Variants in GRID1 observed in about 807,000 individuals in gnomAD.
The protein encoded by GRID1 is glutamate ionotropic receptor delta type subunit 1.
In GRID1, 28 loss-of-function variants were observed where a neutral mutation model predicts 98.0. That is an observed-to-expected ratio of 0.29 (90% CI 0.21 to 0.39). GRID1 has a LOEUF of 0.39. Among genes scored for constraint, GRID1 ranks in the 10% least tolerant of loss-of-function variants. The pLI is 1.00. For synonymous variants in GRID1, 553 were observed against 538.5 expected (o/e 1.03, Z -0.37); for missense variants, 1,111 against 1,340.5 (o/e 0.83, Z 2.67).
intron 8 of GRID1, among the ~76,000 whole-genome samples, chr10:85,786,324 G>T (rs1404791446): frequency 1.3e-5 from 2 of 152,180 alleles, no homozygotes; most frequent in African/African-American, 2.4e-5. Context: ...GGGCGCTGAG[G>T]GCATGATCCC....
intron 4 of GRID1, among the ~76,000 whole-genome samples, chr10:85,996,624 A>C (rs1156968929): frequency 1.3e-5 from 2 of 152,142 alleles, no homozygotes; most frequent in Non-Finnish European, 2.9e-5. Flanking sequence ...TTGTGTTATC[A>C]GAGCAACCAG....
At chr10:86,098,802 T>G (rs1019215844) in intron 4 of GRID1, among the ~76,000 whole-genome samples, 2 of 152,220 alleles carry the variant, frequency 1.3e-5, no homozygotes, top group African/African-American at 4.8e-5. Context: ...CCTCTTGTGA[T>G]TTGTTTGATC....
intron 4 of GRID1, among the ~76,000 whole-genome samples, chr10:86,008,073 C>G (rs1217749329): frequency 2.6e-5 from 4 of 152,064 alleles, no homozygotes; most frequent in African/African-American, 4.8e-5. Context: ...TATATAAATA[C>G]AGATTAAAAA....
At chr10:85,889,524 T>C (rs956709505) in intron 5 of GRID1, among the ~76,000 whole-genome samples, 4 of 152,244 alleles carry the variant, frequency 2.6e-5, no homozygotes, top group African/African-American at 9.6e-5. Context: ...TCACTCTTTC[T>C]TATGGCTGAA....
At chr10:86,114,264 T>C (rs778886206) in intron 4 of GRID1, among the ~76,000 whole-genome samples, 1 of 152,060 alleles carries the variant, frequency 6.6e-6, no homozygotes, top group Non-Finnish European at 1.5e-5. Context: ...GGGGCCACCA[T>C]GTGGAGGCAG....
chr10:85,989,519 C>G (rs12784735), intron 4 of GRID1, among the ~76,000 whole-genome samples: 1 of 152,044 alleles, frequency 6.6e-6, no homozygotes, highest in Non-Finnish European at 1.5e-5. Flanking sequence ...ACCTGAGCTC[C>G]GCCCCCTGTT....
rs529615991 is a variant in GRID1 at position 85,628,016 on chromosome 10, C to T, written c.2194-7983G>A. On this transcript the variant is annotated intron_variant, in intron 13 of 15. Coordinates refer to ENST00000327946, the MANE Select transcript of GRID1 (RefSeq NM_017551.3). ...GTGTGTGCATGCAGAAGAGTGTGAG[C>T]GTGTGTGTGTGTGCATGAGAATTGT... Among the ~76,000 whole-genome samples, 17 of 151,344 alleles carry T rather than the reference C, an allele frequency of 1.1e-4. No homozygotes were observed. In the East Asian group the frequency reaches 2.1e-3, roughly 19 times the overall value.
At chr10:86,173,641 T>G (rs1426021258) in intron 3 of GRID1, among the ~76,000 whole-genome samples, 1 of 151,852 alleles carries the variant, frequency 6.6e-6, no homozygotes, top group Non-Finnish European at 1.5e-5. Flanking sequence ...TAGTTACATA[T>G]GTATACATGT....
chr10:86,120,850 G>A (rs1440728645), intron 4 of GRID1, among the ~76,000 whole-genome samples: 1 of 152,132 alleles, frequency 6.6e-6, no homozygotes, highest in African/African-American at 2.4e-5. Flanking sequence ...GTGATGCCAA[G>A]TGGGACATCT....
At chr10:86,066,567 T>C (rs1843723036) in intron 4 of GRID1, among the ~76,000 whole-genome samples, 1 of 152,206 alleles carries the variant, frequency 6.6e-6, no homozygotes, top group South Asian at 2.1e-4. Flanking sequence ...CTGCCCATCA[T>C]GCTATGGAAG....
rs1374092608 is a variant in GRID1, at chr10:86,365,194, G to T, written c.80-1098C>A. ...GGTTTGGTCACGGGCCCCTGAGGAG[G>T]AATCGTAGCTCTCCGAGCCCAGGCC... On this transcript the variant is annotated intron_variant, in intron 1 of 15. Transcript: ENST00000327946. This position sits in a 1 kb window ranked among gnomAD's most constrained non-coding sequence, Gnocchi z 4.8. Among the ~76,000 whole-genome samples the T allele has an allele frequency of 2.0e-5, 3 of 152,104 alleles. No individual in the cohort carries two copies. The highest frequency in any genetic ancestry group is 7.2e-5 in the African/African-American group (3 of 41,410).
chr10:85,727,856 T>A lies in GRID1; in HGVS notation c.1532A>T (p.Lys511Met). 6.2e-7 allele frequency: 1 copy of A among 1,611,856 alleles called. No homozygotes were observed. Among genetic ancestry groups the A allele is most frequent in the Non-Finnish European group, 8.5e-7 (1 of 1,178,538 alleles). Residue 511 changes from lysine (K) to methionine (M), a missense_variant and splice_region_variant, in exon 10 of 16, where the codon AAG becomes ATG. Physicochemically the swap from Lys to Met is moderately conservative, Grantham distance 95 (BLOSUM62 -1). Transcript: ENST00000327946. ...CCTGGATCTGCTATGGGGACCTACC[T>A]TGCTGATGAGCTCCCCGATCATCCC... ...WNGMIGELISKRADLAISAIT... is the reference protein window; with the variant it reads ...WNGMIGELISMRADLAISAIT...
chr10:85,937,904 C>A (rs117712072), intron 4 of GRID1, among the ~76,000 whole-genome samples: 220 of 152,316 alleles, frequency 1.4e-3, no homozygotes, highest in Admixed American at 4.7e-3. Flanking sequence ...TAATGTTCAA[C>A]ACAAAGTTGA....
At chr10:85,734,413 G>A (rs1415159353) in intron 8 of GRID1, among the ~76,000 whole-genome samples, 6 of 151,918 alleles carry the variant, frequency 3.9e-5, no homozygotes, top group Non-Finnish European at 5.9e-5. Flanking sequence ...ATTTCATGAA[G>A]GAAAAAAAAT....
At chr10:85,926,216 G>A (rs938579901) in intron 4 of GRID1, among the ~76,000 whole-genome samples, 1 of 152,144 alleles carries the variant, frequency 6.6e-6, no homozygotes, top group African/African-American at 2.4e-5. Flanking sequence ...AGAAGAGGTG[G>A]ATGGTGCGAC....
intron 14 of GRID1, among the ~76,000 whole-genome samples, chr10:85,617,952 G>T (rs762541703): frequency 6.6e-6 from 1 of 152,096 alleles, no homozygotes; most frequent in Non-Finnish European, 1.5e-5. Flanking sequence ...CCACACAAAG[G>T]ACATCTCACT....
chr10:86,230,375 A>C (rs1227388512), intron 2 of GRID1, among the ~76,000 whole-genome samples: 6 of 152,220 alleles, frequency 3.9e-5, no homozygotes, highest in African/African-American at 4.8e-5. Flanking sequence ...AGTGGGGACA[A>C]CACCACCAGG....
At chr10:85,753,231 A>G (rs1414138850) in intron 8 of GRID1, among the ~76,000 whole-genome samples, 1 of 152,232 alleles carries the variant, frequency 6.6e-6, no homozygotes, top group East Asian at 1.9e-4. Context: ...ATTATACTCT[A>G]TAAAAATATG....
At chr10:85,697,649 G>A (rs559747879) in intron 12 of GRID1, among the ~76,000 whole-genome samples, 3 of 152,170 alleles carry the variant, frequency 2.0e-5, no homozygotes, top group Non-Finnish European at 4.4e-5. Context: ...TTTTTCATGA[G>A]TCCCATTAAT....
Sources: allele counts gnomAD v4.1 joint callset (sites outside exome capture counted in the v4.1 genomes callset), GRCh38; gene constraint gnomAD v4.1.1; non-coding constraint Gnocchi (gnomAD v3.1); transcripts MANE v1.5; gene names NCBI Gene and HGNC (gene_info 2026-07-23, HGNC 2026-07-21).